Variants in SPATS2 observed in about 807,000 individuals in gnomAD.
SPATS2 encodes spermatogenesis-associated serine-rich protein 2.
In SPATS2, 38 loss-of-function variants were observed where a neutral mutation model predicts 63.7. The ratio of observed to expected loss-of-function variants is 0.60; its 90% CI spans 0.46 to 0.78. The LOEUF is 0.78. SPATS2 is among the 30% of genes least tolerant of loss of function. The pLI is 0.00. For missense variants in SPATS2, 588 were observed against 666.2 expected (o/e 0.88, Z 1.29); for synonymous variants, 207 against 232.9 (o/e 0.89, Z 1.01).
intron 2 of SPATS2, among the ~76,000 whole-genome samples, chr12:49,421,340 C>G (rs533864694): frequency 7.0e-6 from 1 of 142,498 alleles, no homozygotes; most frequent in African/African-American, 2.6e-5. Flanking sequence ...ATCTCTTGAA[C>G]CTGGGAGGCA....
At chr12:49,410,729 G>C (rs1387486664) in intron 2 of SPATS2, among the ~76,000 whole-genome samples, 2 of 152,010 alleles carry the variant, frequency 1.3e-5, no homozygotes, top group Admixed American at 1.3e-4. Flanking sequence ...TTAGATGCTG[G>C]GGAATATAGT....
At chr12:49,504,153 T>C (rs1236413420) in intron 9 of SPATS2, among the ~76,000 whole-genome samples, 1 of 151,792 alleles carries the variant, frequency 6.6e-6, no homozygotes, top group Non-Finnish European at 1.5e-5. Context: ...GGTTATAGCA[T>C]AAAAAAAAGG....
intron 8 of SPATS2, among the ~76,000 whole-genome samples, chr12:49,498,348 TA>T (rs1238749733): frequency 6.6e-6 from 1 of 151,958 alleles, no homozygotes; most frequent in Non-Finnish European, 1.5e-5. Flanking sequence ...TATAGAAAGG[TA>T]AATAGAACTC....
At position 49,522,831 on chromosome 12, in the gene SPATS2, G is replaced by A. The variant is rs1233711114; in HGVS notation, c.1089G>A (p.Lys363=). 1.2e-6 allele frequency: 2 copies of A among 1,613,454 alleles called. No homozygotes were observed. The highest frequency in any genetic ancestry group is 1.3e-5 in the African/African-American group (1 of 74,906). Residue 363 remains lysine (K), a synonymous_variant, in exon 12 of 14, where the codon AAG becomes AAA. Coordinates refer to ENST00000552918, the MANE Select transcript of SPATS2 (RefSeq NM_023071.4). Reference sequence around the variant, plus strand: ...CCTGTGATGTAGAGACCCTAAAGAAGAGCATTGATTCATTTGGACAAGGTG... The same window carrying A: ...CCTGTGATGTAGAGACCCTAAAGAAAAGCATTGATTCATTTGGACAAGGTG... ...RFTCDVETLK[K]SIDSFGQVSH... is the part of the protein sequence containing the mutation.
intron 2 of SPATS2, among the ~76,000 whole-genome samples, chr12:49,459,840 A>C (rs972914932): frequency 4.3e-5 from 6 of 140,204 alleles, no homozygotes; most frequent in Non-Finnish European, 7.6e-5. Context: ...TAATCCCAGC[A>C]CTTTGGGAGG....
At chr12:49,479,699 G>T (rs963063486) in intron 3 of SPATS2, among the ~76,000 whole-genome samples, 1 of 152,168 alleles carries the variant, frequency 6.6e-6, no homozygotes, top group East Asian at 1.9e-4. Context: ...TGGCCTGGTG[G>T]TGCCTCCCTG....
intron 8 of SPATS2, among the ~76,000 whole-genome samples, chr12:49,497,793 G>A (rs1946489508): frequency 6.6e-6 from 1 of 151,884 alleles, no homozygotes; most frequent in Admixed American, 6.6e-5. Context: ...AAAAAGTAAG[G>A]TCATTTTCTC....
chr12:49,391,435 C>T (rs1176632747), intron 2 of SPATS2, among the ~76,000 whole-genome samples: 1 of 152,146 alleles, frequency 6.6e-6, no homozygotes, highest in African/African-American at 2.4e-5. Context: ...TCGCTTGAAC[C>T]CGGGAGGCGG....
At chr12:49,370,487 A>G (rs947070527) in intron 1 of SPATS2, among the ~76,000 whole-genome samples, 6 of 152,212 alleles carry the variant, frequency 3.9e-5, no homozygotes, top group Non-Finnish European at 8.8e-5. Flanking sequence ...CAGCTTCCTC[A>G]GTTGCTTAGT....
rs528590049 is a variant in SPATS2, at chr12:49,426,645, G to A, written c.-243-34125G>A. On this transcript the variant is annotated intron_variant, in intron 2 of 13. Coordinates refer to ENST00000552918, the MANE Select transcript of SPATS2 (RefSeq NM_023071.4). ...TGCAAGCTCCGCCTCCCGGGTACAC[G>A]CCATTCTCCTGCCTCAGCCTCCCGA... 3.6e-4 allele frequency among the ~76,000 whole-genome samples: 55 copies of A among 152,240 alleles called. 2 individuals are homozygous for A. Among genetic ancestry groups the A allele is most frequent in the African/African-American group, 1.2e-3 (51 of 41,544 alleles).
rs368016683 is a variant in SPATS2, at chr12:49,382,761, A to G, written c.-244+11471A>G. Among the ~76,000 whole-genome samples the G allele has an allele frequency of 1.5e-4, 23 of 151,108 alleles. No homozygotes were observed. The East Asian group carries it at 2.2e-3, about 14-fold the overall frequency. The stretch of plus-strand genomic sequence containing the variant: ...CTCTTGTTGCCCAGGCTGGAGTGCA[A>G]TGGCGCTATCTCTGCTCACTACAAC... On this transcript the variant is annotated intron_variant, in intron 2 of 13. Coordinates refer to ENST00000552918, the MANE Select transcript of SPATS2 (RefSeq NM_023071.4).
chr12:49,440,472 AT>A (rs58209886), intron 2 of SPATS2, among the ~76,000 whole-genome samples: 169 of 140,320 alleles, frequency 1.2e-3, no homozygotes, highest in Admixed American at 1.9e-3. Flanking sequence ...CATGGCATTA[AT>A]TTTTTTTTTT....
At chr12:49,376,291 C>T (rs1024170088) in intron 2 of SPATS2, among the ~76,000 whole-genome samples, 1 of 151,416 alleles carries the variant, frequency 6.6e-6, no homozygotes, top group East Asian at 1.9e-4. Flanking sequence ...TTAGTAGAGA[C>T]GGGGTTTCAC....
rs547641714 is a variant in SPATS2 at position 49,378,261 on chromosome 12, G to GT, written c.-244+6974dup. 2.8e-5 allele frequency among the ~76,000 whole-genome samples: 4 copies of GT among 144,220 alleles called. No individual in the cohort carries two copies. The East Asian group carries it at 6.1e-4, about 22-fold the overall frequency. The allele number at this position is 144,220 out of a possible 152,430, so 94.6% of individuals were successfully genotyped here. On this transcript the variant is annotated intron_variant, in intron 2 of 13. Coordinates refer to ENST00000552918, the MANE Select transcript of SPATS2 (RefSeq NM_023071.4). ...GCTGGGATATTTATTTTGAGTTAAT[G>GT]TTTATTTTATTTTATTTTATTTTAT...
chr12:49,376,924 G>A (rs2137164902), intron 2 of SPATS2, among the ~76,000 whole-genome samples: 1 of 151,828 alleles, frequency 6.6e-6, no homozygotes, highest in Non-Finnish European at 1.5e-5. Flanking sequence ...CACCATCTTG[G>A]CCAGTTTGGT....
At chr12:49,441,282 G>GT (rs1945413794) in intron 2 of SPATS2, among the ~76,000 whole-genome samples, 1 of 152,034 alleles carries the variant, frequency 6.6e-6, no homozygotes, top group South Asian at 2.1e-4. Flanking sequence ...TAATTGTTCT[G>GT]TTTTTTAAAT....
intron 9 of SPATS2, chr12:49,512,825 G>C: frequency 7.8e-7 from 1 of 1,285,132 alleles, no homozygotes. Context: ...AGGCCTGGCA[G>C]CTCCTGTCTC....
chr12:49,490,815 G>C lies in SPATS2; in HGVS notation c.264+84G>C, dbSNP rs560118806. 6.6e-4 allele frequency: 847 copies of C among 1,274,324 alleles called. 10 individuals are homozygous for C. In the South Asian group the frequency reaches 0.01, roughly 15 times the overall value. The allele number at this position is 1,274,324 out of a possible 1,614,324, so 78.9% of individuals were successfully genotyped here. On this transcript the variant is annotated intron_variant, in intron 6 of 13. Coordinates refer to ENST00000552918, the MANE Select transcript of SPATS2 (RefSeq NM_023071.4). ...CTCTGCAAAAATATTTGAAAGAAAA[G>C]GTTCACATACATATCTTCTGTTTAC...
chr12:49,496,264 G>C (rs1184514320), intron 7 of SPATS2, among the ~76,000 whole-genome samples: 1 of 151,870 alleles, frequency 6.6e-6, no homozygotes, highest in Non-Finnish European at 1.5e-5. Flanking sequence ...CCCCTAGAGC[G>C]TTGTTGTTTG....
Sources: gnomAD v4.1 joint callset for allele counts (sites outside exome capture counted in the v4.1 genomes callset) on GRCh38, gnomAD v4.1.1 for gene constraint, MANE v1.5 for transcripts, NCBI Gene and HGNC (gene_info 2026-07-23, HGNC 2026-07-21) for gene names.